The following GALNT16 variants were observed in gnomAD, a reference collection of about 807,000 sequenced individuals.
GALNT16 encodes UDP-GalNAc:polypeptide N-acetylgalactosaminyltransferase-like protein 1.
In GALNT16, 40 loss-of-function variants were observed where a neutral mutation model predicts 76.1. That is an observed-to-expected ratio of 0.53 (90% CI 0.41 to 0.68). GALNT16 has a LOEUF of 0.68. Ranked by LOEUF, GALNT16 falls within the 30% of genes least tolerant of loss-of-function variation. The pLI is 0.00. For synonymous variants in GALNT16, 276 were observed against 285.2 expected (o/e 0.97, Z 0.32); for missense variants, 621 against 731.9 (o/e 0.85, Z 1.75).
At chr14:69,268,035 C>T (rs1341935381) in intron 1 of GALNT16, among the ~76,000 whole-genome samples, 1 of 152,202 alleles carries the variant, frequency 6.6e-6, no homozygotes, top group Admixed American at 6.5e-5. Flanking sequence ...AACTGGCCCT[C>T]ATCCTTCCCC....
At chr14:69,316,584 TGAGGTTTGAGCAGCGTCCTGCAG>T (rs1200247075) in intron 1 of GALNT16, among the ~76,000 whole-genome samples, 1 of 150,796 alleles carries the variant, frequency 6.6e-6, no homozygotes, top group Non-Finnish European at 1.5e-5. Flanking sequence ...ACAGAGGAGG[TGAGGTTTGAGCAGCGTCCTGCAG>T]GAGGTTTGAG....
chr14:69,360,502 C>A (rs1273976478), downstream of GALNT16, among the ~76,000 whole-genome samples: 3 of 152,000 alleles, frequency 2.0e-5, no homozygotes, highest in East Asian at 5.8e-4. Flanking sequence ...ATGCCCAGTG[C>A]CTGTAGTCCC....
chr14:69,268,668 C>T (rs1411117996), intron 1 of GALNT16, among the ~76,000 whole-genome samples: 2 of 146,968 alleles, frequency 1.4e-5, no homozygotes, highest in Non-Finnish European at 3.0e-5. Flanking sequence ...GGCTCATATT[C>T]TAGTGGGGAG....
At chr14:69,282,306 T>C (rs2044554319) in intron 1 of GALNT16, among the ~76,000 whole-genome samples, 1 of 152,166 alleles carries the variant, frequency 6.6e-6, no homozygotes. Flanking sequence ...TCATCTCCTA[T>C]TGTTCCCTCC....
At position 69,347,830 on chromosome 14, in the gene GALNT16, C is replaced by T. The variant is rs1315371270; in HGVS notation, c.1414-47C>T. 2.4e-5 allele frequency: 39 copies of T among 1,602,728 alleles called. No homozygotes were observed. In the South Asian group the frequency reaches 3.0e-4, roughly 12 times the overall value. On this transcript the variant is annotated intron_variant, in intron 13 of 14. Transcript: ENST00000448469. ...ATCCCCTATCTACCCATCTCTCCAC[C>T]CATCGCTGTACTTTTTGACTTGGCC...
intron 14 of GALNT16, chr14:69,349,478 TC>T (rs1428953006): frequency 2.0e-5 from 3 of 152,270 alleles, no homozygotes; most frequent in African/African-American, 7.2e-5. Context: ...GCCCCTCTTC[TC>T]CCAGGAGGAC....
At chr14:69,367,325 C>T in the GALNT16 span, among the ~76,000 whole-genome samples, 1 of 151,946 alleles carries the variant, frequency 6.6e-6, no homozygotes, top group Admixed American at 6.6e-5. Context: ...AAAGTGGGGG[C>T]TCTTGGGAGG....
At chr14:69,274,406 G>A (rs997749789) in intron 1 of GALNT16, among the ~76,000 whole-genome samples, 3 of 152,190 alleles carry the variant, frequency 2.0e-5, no homozygotes, top group African/African-American at 7.2e-5. Flanking sequence ...GAATTTGGGA[G>A]TGGCTTGGCT....
intron 6 of GALNT16, 52 bp from the exon 7 acceptor site, chr14:69,331,411 CT>C: frequency 9.7e-6 from 10 of 1,035,228 alleles, no homozygotes; most frequent in Non-Finnish European, 6.1e-6. Context: ...GCAGCTAGGC[CT>C]TTTTCTGCAG....
At chr14:69,332,510 T>C (rs905351955) in intron 7 of GALNT16, 28 of 156,952 alleles carry the variant, frequency 1.8e-4, no homozygotes, top group Middle Eastern at 3.4e-3. Context: ...ACTGTGCTGC[T>C]CTAGAGAATC....
chr14:69,355,731 C>A (rs1184646309), downstream of GALNT16: 1 of 152,290 alleles, frequency 6.6e-6, no homozygotes, highest in Non-Finnish European at 1.5e-5. Flanking sequence ...GAAGGGACTT[C>A]TGCACCAGGG....
At chr14:69,277,703 T>G (rs1396040681) in intron 1 of GALNT16, among the ~76,000 whole-genome samples, 4 of 152,248 alleles carry the variant, frequency 2.6e-5, no homozygotes, top group Non-Finnish European at 4.4e-5. Flanking sequence ...TGTGTCTTTA[T>G]AGCAGCATGA....
At chr14:69,315,434 G>A (rs964203817) in intron 1 of GALNT16, among the ~76,000 whole-genome samples, 1 of 152,140 alleles carries the variant, frequency 6.6e-6, no homozygotes, top group Non-Finnish European at 1.5e-5. Context: ...TGGGAGGCTC[G>A]TCAGCCTGTC....
intron 11 of GALNT16, 54 bp from the exon 12 acceptor site, chr14:69,341,627 C>T (rs956314266): frequency 7.5e-6 from 9 of 1,205,208 alleles, no homozygotes; most frequent in African/African-American, 6.0e-5. Flanking sequence ...CATCCTCCCT[C>T]GGGCTGCCTT....
chr14:69,311,107 G>A lies in GALNT16; in HGVS notation c.178-9604G>A, dbSNP rs183538577. Among the ~76,000 whole-genome samples the A allele has an allele frequency of 4.6e-5, 7 of 152,218 alleles. No individual in the cohort carries two copies. The East Asian group carries it at 1.4e-3, about 29-fold the overall frequency. Reference sequence around the variant, plus strand: ...TGCTGTAACAGAATATCACAGCCAGGGTGGCTTATAAACAACAGAAATTGA... The same window carrying A: ...TGCTGTAACAGAATATCACAGCCAGAGTGGCTTATAAACAACAGAAATTGA... On this transcript the variant is annotated intron_variant, in intron 1 of 14. Transcript: ENST00000448469.
intron 1 of GALNT16, among the ~76,000 whole-genome samples, chr14:69,280,225 T>C (rs2044522249): frequency 6.6e-6 from 1 of 151,656 alleles, no homozygotes; most frequent in African/African-American, 2.4e-5. Context: ...CCTTGGAGGC[T>C]ACTATCCTAC....
chr14:69,281,359 C>T (rs1420070504), intron 1 of GALNT16, among the ~76,000 whole-genome samples: 1 of 152,210 alleles, frequency 6.6e-6, no homozygotes, highest in Admixed American at 6.5e-5. Context: ...ATACAGCAGA[C>T]ATCTGGGCTC....
At chr14:69,359,951 G>C (rs371887344), downstream of GALNT16, among the ~76,000 whole-genome samples, 5 of 152,228 alleles carry the variant, frequency 3.3e-5, no homozygotes, top group South Asian at 1.0e-3. Flanking sequence ...CTTGAACCCA[G>C]GAGGCAGAGG....
At chr14:69,323,910 CG>C (rs923641797) in intron 2 of GALNT16, among the ~76,000 whole-genome samples, 32 of 152,302 alleles carry the variant, frequency 2.1e-4, no homozygotes, top group African/African-American at 7.5e-4. Flanking sequence ...AAACCAGCAA[CG>C]GAGGCCACCT....
Sources: allele counts gnomAD v4.1 joint callset (sites outside exome capture counted in the v4.1 genomes callset), GRCh38; gene constraint gnomAD v4.1.1; transcripts MANE v1.5; gene names NCBI Gene and HGNC (gene_info 2026-07-23, HGNC 2026-07-21).